The following TOX2 variants were observed in gnomAD, a reference collection of about 807,000 sequenced individuals.
The protein encoded by TOX2 is granulosa cell HMG box 1.
TOX2 carries 15 observed loss-of-function variants against 47.4 expected under a neutral mutation model. The observed-to-expected ratio is 0.32, with a 90% CI of 0.21 to 0.49. The LOEUF (loss-of-function observed/expected upper bound fraction) is 0.49, where lower values mean the gene tolerates loss of function less well. TOX2 is among the 20% of genes least tolerant of loss of function. The pLI, the probability that TOX2 is intolerant of heterozygous loss-of-function variation, is 0.99. For synonymous variants in TOX2, 290 were observed against 296.6 expected, an observed-to-expected ratio of 0.98 and a Z score of 0.23; for missense variants, 622 against 673.1, an observed-to-expected ratio of 0.92 and a Z score of 0.84.
intron 1 of TOX2, among the ~76,000 whole-genome samples, chr20:43,921,964 C>A (rs2069117206): frequency 6.6e-6 from 1 of 152,112 alleles, no homozygotes; most frequent in Admixed American, 6.5e-5. Context: ...ATTTCCTCCA[C>A]CTTCTGTTAC....
chr20:44,022,134 C>G (rs750059082), intron 3 of TOX2, among the ~76,000 whole-genome samples: 1 of 152,218 alleles, frequency 6.6e-6, no homozygotes, highest in Non-Finnish European at 1.5e-5. Context: ...TCGGGAACAG[C>G]CCCTTAACCG....
chr20:43,985,180 T>A lies in TOX2; in HGVS notation c.165+11748T>A, dbSNP rs142366734. Reference sequence around the variant, plus strand: ...GTCATTTGTCCTCTCTGGGCTCTGGTTTTTGCATCTGTGAATGGGGATTGG... The same window carrying A: ...GTCATTTGTCCTCTCTGGGCTCTGGATTTTGCATCTGTGAATGGGGATTGG... On this transcript the variant is annotated intron_variant, in intron 2 of 8. Coordinates refer to ENST00000341197, the MANE Select transcript of TOX2 (RefSeq NM_001098797.2). Among the ~76,000 whole-genome samples the A allele has an allele frequency of 1.3e-3, 196 of 152,232 alleles. 2 individuals carry two copies. The highest frequency in any genetic ancestry group is 4.5e-3 in the African/African-American group (186 of 41,528).
At chr20:44,000,792 A>G (rs963554850) in intron 2 of TOX2, among the ~76,000 whole-genome samples, 1 of 152,098 alleles carries the variant, frequency 6.6e-6, no homozygotes, top group Non-Finnish European at 1.5e-5. Flanking sequence ...TGGACAGAAG[A>G]AATGGCCTGT....
intron 2 of TOX2, among the ~76,000 whole-genome samples, chr20:43,981,488 T>G (rs978826502): frequency 6.6e-6 from 1 of 152,192 alleles, no homozygotes; most frequent in Non-Finnish European, 1.5e-5. Context: ...CTAGAGTGGC[T>G]TTGCGCGTTG....
intron 1 of TOX2, among the ~76,000 whole-genome samples, chr20:43,968,530 G>A (rs967490793): frequency 6.6e-6 from 1 of 152,194 alleles, no homozygotes; most frequent in African/African-American, 2.4e-5. Flanking sequence ...AGGAGAGGTA[G>A]GGGAGAGACA....
At chr20:43,998,328 A>G (rs1375729735) in intron 2 of TOX2, among the ~76,000 whole-genome samples, 1 of 152,208 alleles carries the variant, frequency 6.6e-6, no homozygotes, top group Non-Finnish European at 1.5e-5. Context: ...CTATCAGTGT[A>G]GTTAGGTCTT....
At chr20:44,063,266 A>G (rs1447543378) in intron 5 of TOX2, among the ~76,000 whole-genome samples, 3 of 152,228 alleles carry the variant, frequency 2.0e-5, no homozygotes, top group African/African-American at 7.2e-5. Context: ...CAGAATCTAC[A>G]AAGGAACTCA....
intron 1 of TOX2, among the ~76,000 whole-genome samples, chr20:43,964,839 C>T (rs759086051): frequency 2.6e-5 from 4 of 152,140 alleles, no homozygotes; most frequent in Non-Finnish European, 4.4e-5. Flanking sequence ...GCTCTTTGGC[C>T]AGTGCTCACA....
chr20:44,068,995 C>A lies in TOX2; in HGVS notation c.*309C>A. On this transcript the variant is annotated 3_prime_UTR_variant, in exon 9 of 9. Coordinates refer to ENST00000341197, the MANE Select transcript of TOX2 (RefSeq NM_001098797.2). The stretch of plus-strand genomic sequence containing the variant: ...CCTATGTCTGGACACCCGGCCCCAG[C>A]TCCAGCCCCAGCCCAGGTGGGCCGC... 2.0e-6 allele frequency: 1 copy of A among 510,572 alleles called. No homozygotes were observed. The highest frequency in any genetic ancestry group is 3.8e-6 in the Non-Finnish European group (1 of 263,992). 31.6% of individuals were successfully genotyped at this position (510,572 alleles called of 1,614,324 possible).
At chr20:43,944,064 T>C (rs746031660) in intron 1 of TOX2, among the ~76,000 whole-genome samples, 51 of 152,244 alleles carry the variant, frequency 3.3e-4, no homozygotes, top group South Asian at 8.3e-4. Flanking sequence ...CTTTGGTATG[T>C]CTGAAATTTT....
chr20:44,007,052 G>A (rs1475588554), intron 3 of TOX2, among the ~76,000 whole-genome samples: 1 of 152,104 alleles, frequency 6.6e-6, no homozygotes, highest in Non-Finnish European at 1.5e-5. Context: ...CAGTATCTCG[G>A]TATTGGTTTG....
In TOX2 at chr20:44,031,322, C is replaced by T. The variant is rs896041765; in HGVS notation, c.412-19984C>T. Among the ~76,000 whole-genome samples the T allele has an allele frequency of 8.5e-5, 13 of 152,314 alleles. No homozygotes were observed. The South Asian group carries it at 2.7e-3, about 32-fold the overall frequency. ...AATAAGCCTGTATGACTGAGCAGGA[C>T]TCCTCTGCAATGCCACTTTCCCCGT... On this transcript the variant is annotated intron_variant, in intron 3 of 8. Coordinates refer to ENST00000341197, the MANE Select transcript of TOX2 (RefSeq NM_001098797.2).
chr20:44,026,249 A>ATATAT (rs1569109261), intron 3 of TOX2, among the ~76,000 whole-genome samples: 3 of 64,812 alleles, frequency 4.6e-5, no homozygotes, highest in East Asian at 4.0e-4. Flanking sequence ...ATATATATAT[A>ATATAT]GACACACACA....
At chr20:43,987,912 CTTTTTTTTT>C (rs762084312) in intron 2 of TOX2, among the ~76,000 whole-genome samples, 2 of 69,978 alleles carry the variant, frequency 2.9e-5, no homozygotes, top group Non-Finnish European at 5.1e-5. Context: ...ATATCAACAT[CTTTTTTTTT>C]TTTTTTTTTT....
intron 1 of TOX2, among the ~76,000 whole-genome samples, chr20:43,922,642 G>T (rs768397930): frequency 6.6e-6 from 1 of 152,202 alleles, no homozygotes; most frequent in African/African-American, 2.4e-5. Flanking sequence ...GTGGTAAATT[G>T]TAATTTTATA....
At chr20:43,941,214 C>T (rs2069397974) in intron 1 of TOX2, among the ~76,000 whole-genome samples, 1 of 152,052 alleles carries the variant, frequency 6.6e-6, no homozygotes, top group Non-Finnish European at 1.5e-5. Context: ...CTTATGTTCA[C>T]CTGCACTGCA....
intron 2 of TOX2, among the ~76,000 whole-genome samples, chr20:43,976,606 A>G (rs987775110): frequency 6.6e-6 from 1 of 152,230 alleles, no homozygotes; most frequent in African/African-American, 2.4e-5. Context: ...TAGGAAACAT[A>G]TGGGATATGA....
At chr20:43,931,446 T>A (rs990021013) in intron 1 of TOX2, among the ~76,000 whole-genome samples, 1 of 152,152 alleles carries the variant, frequency 6.6e-6, no homozygotes, top group Non-Finnish European at 1.5e-5. Flanking sequence ...AACATACACG[T>A]CTGTTAAATT....
At chr20:43,966,558 G>T (rs1047075328) in intron 1 of TOX2, among the ~76,000 whole-genome samples, 4 of 152,116 alleles carry the variant, frequency 2.6e-5, no homozygotes, top group African/African-American at 7.2e-5. Flanking sequence ...AGGAGTTCGA[G>T]ATCAGCCTGG....
Sources: allele counts gnomAD v4.1 joint callset (sites outside exome capture counted in the v4.1 genomes callset), GRCh38; gene constraint gnomAD v4.1.1; transcripts MANE v1.5; gene names NCBI Gene and HGNC (gene_info 2026-07-23, HGNC 2026-07-21).